The following SLIT1 variants were observed in gnomAD, a reference collection of about 807,000 sequenced individuals.
SLIT1 encodes the protein slit guidance ligand 1.
SLIT1 carries 66 observed loss-of-function variants against 186.1 expected under a neutral mutation model. That is an observed-to-expected ratio of 0.35 (90% confidence interval 0.29 to 0.44). The LOEUF (loss-of-function observed/expected upper bound fraction) is 0.44, where lower values mean the gene tolerates loss of function less well. Among genes scored for constraint, SLIT1 ranks in the 20% least tolerant of loss-of-function variants. The probability of loss-of-function intolerance (pLI) is 1.00; values close to 1 mark genes in which losing one functional copy is unlikely to be tolerated. For missense variants in SLIT1, 1,638 were observed against 2,037.4 expected (o/e 0.80, Z 3.77); for synonymous variants, 761 against 833.8 (o/e 0.91, Z 1.50).
In SLIT1 at chr10:97,003,925, G is replaced by A. The variant is rs878916790; in HGVS notation, c.3865+143C>T. ...AGAGAGCAGCTGGGCTCCAGGCAGC[G>A]AGGCCAGTCCACCTGCAGCTTGGCC... On this transcript the variant is annotated intron_variant, in intron 34 of 36. Transcript: ENST00000266058. 6.7e-6 allele frequency: 5 copies of A among 744,848 alleles called. No individual in the cohort carries two copies. In the Admixed American group the frequency reaches 7.0e-5, roughly 10 times the overall value. The allele number at this position is 744,848 out of a possible 1,614,324, so 46.1% of individuals were successfully genotyped here.
chr10:97,002,098 ATTGCTAAAGCAAT>A, intron 36 of SLIT1, 47 bp downstream of exon 36: 1 of 1,171,834 alleles, frequency 8.5e-7, no homozygotes, highest in Non-Finnish European at 1.2e-6. Context: ...GAAGAGTCAA[ATTGCTAAAGCAAT>A]TTGTGGGGGA....
rs1589426533 is a variant in SLIT1, at chr10:97,184,418, C to T, written c.197+1060G>A. 6.6e-6 allele frequency among the ~76,000 whole-genome samples: 1 copy of T among 151,566 alleles called. No homozygotes were observed. Among genetic ancestry groups the T allele is most frequent in the East Asian group, 2.0e-4 (1 of 5,128 alleles). On this transcript the variant is annotated intron_variant, in intron 1 of 36. Transcript: ENST00000266058. This position sits in a 1 kb window ranked among gnomAD's most constrained non-coding sequence, Gnocchi z 4.4. ...CTCTGCGAGCAGTACAAAGGCCCTG[C>T]ATGTGACCAAAATCTACACACACAC...
intron 4 of SLIT1, among the ~76,000 whole-genome samples, chr10:97,150,453 C>CG (rs1172205330): frequency 5.6e-4 from 86 of 152,262 alleles, no homozygotes; most frequent in African/African-American, 2.0e-3. Flanking sequence ...GTCAGGCATT[C>CG]TTCAGCAGGG....
At chr10:97,083,172 C>T (rs758925834) in intron 4 of SLIT1, among the ~76,000 whole-genome samples, 10 of 151,632 alleles carry the variant, frequency 6.6e-5, no homozygotes, top group Non-Finnish European at 1.3e-4. Flanking sequence ...TGGCCTCAAG[C>T]GATGCTCCCA....
intron 6 of SLIT1, among the ~76,000 whole-genome samples, 179 bp from the exon 7 acceptor site, chr10:97,064,418 C>T (rs1033780212): frequency 6.6e-6 from 1 of 152,140 alleles, no homozygotes; most frequent in African/African-American, 2.4e-5. Flanking sequence ...AAGCCCTGAG[C>T]TGGGACGGTG....
chr10:97,002,911 T>C lies in SLIT1; in HGVS notation c.3947A>G (p.Asn1316Ser). 6.2e-7 allele frequency: 1 copy of C among 1,614,196 alleles called. No homozygotes were observed. Among genetic ancestry groups the C allele is most frequent in the Non-Finnish European group, 8.5e-7 (1 of 1,180,020 alleles). ...CTGCAGCTCGTTGTTGATGTACAGGTTTCGGATGCAACCGTGGAAGCCGGT... is the reference window on the plus strand; with the variant it reads ...CTGCAGCTCGTTGTTGATGTACAGGCTTCGGATGCAACCGTGGAAGCCGGT... ...NGTGFHGCIR[N>S]LYINNELQDF... The change falls in exon 35 of 37, where the codon AAC (asparagine) becomes AGC (serine). Residue 1316 changes from asparagine (N) to serine (S), a missense_variant. By Grantham distance (46) the Asn-to-Ser change is conservative (BLOSUM62 1). This residue lies in a region of SLIT1 where 173 missense variants were observed against 290.9 expected (regional missense o/e 0.59). Transcript: ENST00000266058.
At chr10:97,100,619 C>T (rs566194244) in intron 4 of SLIT1, among the ~76,000 whole-genome samples, 4 of 135,294 alleles carry the variant, frequency 3.0e-5, no homozygotes, top group East Asian at 2.3e-4. Flanking sequence ...TGGGCAACAG[C>T]GAGACTCTGT....
chr10:97,063,006 A>G (rs1321815904), intron 8 of SLIT1, among the ~76,000 whole-genome samples: 1 of 152,210 alleles, frequency 6.6e-6, no homozygotes, highest in Non-Finnish European at 1.5e-5. Flanking sequence ...TCAAGGCAGC[A>G]GAGGTGAGGC....
At chr10:97,066,834 C>T (rs555473380) in intron 4 of SLIT1, among the ~76,000 whole-genome samples, 17 of 152,302 alleles carry the variant, frequency 1.1e-4, no homozygotes, top group African/African-American at 3.1e-4. Context: ...CCCACAGAGG[C>T]CAGTTCAGCC....
intron 1 of SLIT1, among the ~76,000 whole-genome samples, chr10:97,181,315 C>T (rs762510406): frequency 6.6e-6 from 1 of 152,252 alleles, no homozygotes; most frequent in Non-Finnish European, 1.5e-5. Flanking sequence ...GCTGCAGTGG[C>T]CCCTGACCTC....
chr10:97,071,145 T>A (rs1277829017), intron 4 of SLIT1, among the ~76,000 whole-genome samples: 1 of 152,122 alleles, frequency 6.6e-6, no homozygotes, highest in Admixed American at 6.5e-5. Context: ...TTTAGAGGAT[T>A]TGGGGTCCCA....
chr10:97,001,057 T>A lies in SLIT1; in HGVS notation c.*55A>T. 2 of 1,438,546 alleles carry A rather than the reference T, an allele frequency of 1.4e-6. No individual in the cohort carries two copies. The highest frequency in any genetic ancestry group is 1.9e-6 in the Non-Finnish European group (2 of 1,030,354). 89.1% of individuals were successfully genotyped at this position (1,438,546 alleles called of 1,614,324 possible). A position where few individuals can be genotyped will look rare whatever the true frequency, so the allele number is the denominator to read the frequency against. ...CCCAGCTGCTGGCGACTGTCTCCGCTGCTGCAGCGGCTGGGGCCCCTTGCC... is the reference window on the plus strand; with the variant it reads ...CCCAGCTGCTGGCGACTGTCTCCGCAGCTGCAGCGGCTGGGGCCCCTTGCC... On this transcript the variant is annotated 3_prime_UTR_variant, in exon 37 of 37. Transcript: ENST00000266058.
chr10:97,113,756 T>G (rs1849485001), intron 4 of SLIT1, among the ~76,000 whole-genome samples: 1 of 151,120 alleles, frequency 6.6e-6, no homozygotes, highest in African/African-American at 2.4e-5. Flanking sequence ...TTCTCCATGT[T>G]GGTCAGTCAG....
intron 25 of SLIT1, among the ~76,000 whole-genome samples, chr10:97,024,880 A>T (rs1217530296): frequency 6.6e-6 from 1 of 152,214 alleles, no homozygotes; most frequent in East Asian, 1.9e-4. Flanking sequence ...CCTGTGAAAG[A>T]GAGGGCCCAC....
At chr10:97,174,116 C>G (rs534209763) in intron 1 of SLIT1, among the ~76,000 whole-genome samples, 1 of 152,300 alleles carries the variant, frequency 6.6e-6, no homozygotes, top group South Asian at 2.1e-4. Flanking sequence ...CTCTTCTAAA[C>G]CAGCTTCCCC....
At position 97,021,954 on chromosome 10, in the gene SLIT1, C is replaced by A. The variant is rs1469391676; in HGVS notation, c.2583-541G>T. ...CATTTTACATGTGCAGAAACCGAGG[C>A]TCAAAAAGGCTGAGGAATTTGCCTA... On this transcript the variant is annotated intron_variant, in intron 25 of 36. Coordinates refer to ENST00000266058, the MANE Select transcript of SLIT1 (RefSeq NM_003061.3). This position sits in a 1 kb window ranked among gnomAD's most constrained non-coding sequence, Gnocchi z 4.5. Among the ~76,000 whole-genome samples, 1 of 152,180 alleles carries A rather than the reference C, an allele frequency of 6.6e-6. No homozygotes were observed. The highest frequency in any genetic ancestry group is 1.5e-5 in the Non-Finnish European group (1 of 68,026).
chr10:97,146,680 C>T (rs1259362394), intron 4 of SLIT1, among the ~76,000 whole-genome samples: 1 of 152,076 alleles, frequency 6.6e-6, no homozygotes, highest in Non-Finnish European at 1.5e-5. Flanking sequence ...TCAAGTAAAA[C>T]AGAAGTCAGC....
At chr10:97,069,095 C>A (rs1325173301) in intron 4 of SLIT1, among the ~76,000 whole-genome samples, 1 of 152,230 alleles carries the variant, frequency 6.6e-6, no homozygotes, top group Non-Finnish European at 1.5e-5. Context: ...TTCTCTCCAT[C>A]TTCCTAAGTG....
intron 1 of SLIT1, among the ~76,000 whole-genome samples, chr10:97,173,219 C>T (rs530321112): frequency 2.6e-5 from 4 of 152,316 alleles, no homozygotes; most frequent in East Asian, 3.9e-4. Flanking sequence ...TGCTCAGGGC[C>T]GGTCTCAGGC....
Sources: allele counts gnomAD v4.1 joint callset (sites outside exome capture counted in the v4.1 genomes callset), GRCh38; gene constraint gnomAD v4.1.1; regional missense constraint gnomAD v4.1.1; non-coding constraint Gnocchi (gnomAD v3.1); transcripts MANE v1.5; gene names NCBI Gene and HGNC (gene_info 2026-07-23, HGNC 2026-07-21).